NIBAN1: variants seen among roughly 807,000 people sequenced by gnomAD.
NIBAN1 encodes protein Niban 1.
NIBAN1 carries 81 observed loss-of-function variants against 75.1 expected under a neutral mutation model. The ratio of observed to expected loss-of-function variants is 1.08; its 90% CI spans 0.90 to 1.30. The LOEUF (loss-of-function observed/expected upper bound fraction) is 1.30, where lower values mean the gene tolerates loss of function less well. NIBAN1 is among the 50% of genes most tolerant of loss of function. The pLI is 0.00. For synonymous variants in NIBAN1, 436 were observed against 424.8 expected, an observed-to-expected ratio of 1.03 and a Z score of -0.32; for missense variants, 1,133 against 1,128.1, an observed-to-expected ratio of 1.00 and a Z score of -0.06.
At chr1:184,845,229 A>G (rs1439415407) in intron 5 of NIBAN1, among the ~76,000 whole-genome samples, 1 of 152,232 alleles carries the variant, frequency 6.6e-6, no homozygotes, top group Non-Finnish European at 1.5e-5. Flanking sequence ...CTTTACACTT[A>G]GGGTAAATAG....
intron 6 of NIBAN1, among the ~76,000 whole-genome samples, chr1:184,824,156 CCTGGG>C (rs1654781461): frequency 6.6e-6 from 1 of 152,078 alleles, no homozygotes; most frequent in South Asian, 2.1e-4. Context: ...GTCTGTGTCC[CCTGGG>C]ACTATCATTC....
chr1:184,850,789 A>G (rs1571517253), intron 5 of NIBAN1, among the ~76,000 whole-genome samples: 1 of 16,114 alleles, frequency 6.2e-5, no homozygotes, highest in East Asian at 1.1e-3. Flanking sequence ...ACAAGAAAAA[A>G]ACAAACAACC....
chr1:184,802,950 A>T (rs1571471651), intron 12 of NIBAN1, among the ~76,000 whole-genome samples: 1 of 152,164 alleles, frequency 6.6e-6, no homozygotes, highest in Admixed American at 6.5e-5. Flanking sequence ...TTGTACCATG[A>T]GGATATAAAT....
intron 1 of NIBAN1, among the ~76,000 whole-genome samples, chr1:184,969,235 G>A (rs576581628): frequency 6.6e-6 from 1 of 152,242 alleles, no homozygotes; most frequent in East Asian, 1.9e-4. Flanking sequence ...CAATTCAAAG[G>A]GGATTTAGTG....
intron 9 of NIBAN1, among the ~76,000 whole-genome samples, chr1:184,817,213 T>A (rs2102213307): frequency 6.6e-6 from 1 of 152,342 alleles, no homozygotes; most frequent in Middle Eastern, 3.4e-3. Context: ...CTCATCCTTT[T>A]TTATGGCTGC....
chr1:184,799,199 C>A (rs573634496), intron 12 of NIBAN1, among the ~76,000 whole-genome samples: 2 of 151,936 alleles, frequency 1.3e-5, no homozygotes, highest in African/African-American at 4.8e-5. Flanking sequence ...CCTCTCCCCC[C>A]ACCCCACAAC....
chr1:184,911,713 A>G (rs1248882278), intron 1 of NIBAN1, among the ~76,000 whole-genome samples: 1 of 152,200 alleles, frequency 6.6e-6, no homozygotes, highest in Non-Finnish European at 1.5e-5. Context: ...TCTTTAACAA[A>G]GCTTCTCTGG....
At chr1:184,818,295 G>T (rs1317283130) in intron 9 of NIBAN1, among the ~76,000 whole-genome samples, 1 of 152,140 alleles carries the variant, frequency 6.6e-6, no homozygotes, top group Non-Finnish European at 1.5e-5. Context: ...TTGGAATGGG[G>T]GTAGCCTAGG....
At chr1:184,883,812 G>A (rs896225937) in intron 5 of NIBAN1, among the ~76,000 whole-genome samples, 1 of 152,120 alleles carries the variant, frequency 6.6e-6, no homozygotes, top group African/African-American at 2.4e-5. Context: ...GAGCCCTAAA[G>A]TTTTAAGAAA....
intron 5 of NIBAN1, chr1:184,868,695 C>A (rs1656020860): frequency 6.6e-6 from 1 of 151,808 alleles, no homozygotes; most frequent in African/African-American, 2.4e-5. Context: ...AGTGAGTATC[C>A]TCAAATCATC....
intron 1 of NIBAN1, among the ~76,000 whole-genome samples, chr1:184,940,786 A>T (rs934555990): frequency 6.6e-5 from 10 of 152,260 alleles, no homozygotes; most frequent in African/African-American, 2.2e-4. Flanking sequence ...CTCAGTTAAT[A>T]GATGAAATAG....
At chr1:184,869,512 T>C (rs1405072460) in intron 5 of NIBAN1, among the ~76,000 whole-genome samples, 1 of 152,146 alleles carries the variant, frequency 6.6e-6, no homozygotes, top group Admixed American at 6.5e-5. Context: ...GCTAAGCACA[T>C]TGTGACCATT....
At chr1:184,853,655 G>A (rs557568477) in intron 5 of NIBAN1, among the ~76,000 whole-genome samples, 57 of 152,100 alleles carry the variant, frequency 3.7e-4, no homozygotes, top group African/African-American at 1.4e-3. Context: ...CCCTTTCCAT[G>A]CTCCTTATCC....
At chr1:184,859,033 TA>T (rs1406338523) in intron 5 of NIBAN1, among the ~76,000 whole-genome samples, 1 of 151,916 alleles carries the variant, frequency 6.6e-6, no homozygotes, top group African/African-American at 2.4e-5. Flanking sequence ...GAAAGATACA[TA>T]CAGGAATTTT....
At chr1:184,941,387 C>T (rs527445781) in intron 1 of NIBAN1, among the ~76,000 whole-genome samples, 1 of 152,276 alleles carries the variant, frequency 6.6e-6, no homozygotes, top group African/African-American at 2.4e-5. Context: ...CAGTGGTTCA[C>T]ACCTATAATC....
chr1:184,832,293 A>C (rs1190340959), intron 5 of NIBAN1, among the ~76,000 whole-genome samples: 1 of 152,136 alleles, frequency 6.6e-6, no homozygotes, highest in African/African-American at 2.4e-5. Flanking sequence ...CAGCTGTGAC[A>C]CCTTACTCAG....
intron 9 of NIBAN1, among the ~76,000 whole-genome samples, chr1:184,812,771 A>G (rs1654419853): frequency 6.6e-6 from 1 of 152,240 alleles, no homozygotes; most frequent in Non-Finnish European, 1.5e-5. Context: ...GCTGTAGCTC[A>G]GTAGCTAAGG....
chr1:184,935,507 T>TA (rs1447687479), intron 1 of NIBAN1, among the ~76,000 whole-genome samples: 1 of 152,046 alleles, frequency 6.6e-6, no homozygotes, highest in Non-Finnish European at 1.5e-5. Context: ...GACCCTGTCT[T>TA]AAAAATAATA....
At chr1:184,803,560 T>C (rs1480158179) in intron 12 of NIBAN1, 25 bp downstream of exon 12, 2 of 1,581,014 alleles carry the variant, frequency 1.3e-6, no homozygotes, top group African/African-American at 2.7e-5. Flanking sequence ...AAGAGCAAGC[T>C]CTTTAGGGTA....
Sources: gnomAD v4.1 joint callset for allele counts (sites outside exome capture counted in the v4.1 genomes callset) on GRCh38, gnomAD v4.1.1 for gene constraint, MANE v1.5 for transcripts, NCBI Gene and HGNC (gene_info 2026-07-23, HGNC 2026-07-21) for gene names.